Variants in SLC26A5 observed in about 807,000 individuals in gnomAD.
SLC26A5 encodes solute carrier family 26 member 5, also known as prestin.
Under a neutral mutation model 81.0 loss-of-function variants are expected in SLC26A5, and 51 were observed. The observed-to-expected ratio is 0.63, with a 90% CI of 0.50 to 0.80. The LOEUF (loss-of-function observed/expected upper bound fraction) is 0.80, where lower values mean the gene tolerates loss of function less well. Ranked by LOEUF, SLC26A5 falls within the 30% of genes least tolerant of loss-of-function variation. The pLI is 0.00. For missense variants in SLC26A5, 771 were observed against 905.8 expected (o/e 0.85, Z 1.91); for synonymous variants, 325 against 332.8 (o/e 0.98, Z 0.25).
chr7:103,438,240 A>G (rs9918713), intron 2 of SLC26A5, among the ~76,000 whole-genome samples: 59,115 of 152,078 alleles, frequency 0.39, 15,586 homozygotes, highest in African/African-American at 0.74. Flanking sequence ...TAAGCAGGTT[A>G]GTGGATATGT....
Position 103,393,081 on chromosome 7 carries a change from TG to T in SLC26A5, c.972-16del, listed in dbSNP as rs771768407. ...GAGGTAGCAGCCTGAAAAGTCAAGC[TG>T]CCTTTAACTTGTGTTGTGACCACAA... On this transcript the variant is annotated splice_polypyrimidine_tract_variant and intron_variant, in intron 9 of 19. Coordinates refer to ENST00000306312, the MANE Select transcript of SLC26A5 (RefSeq NM_198999.3). The T allele has an allele frequency of 1.2e-6, 2 of 1,613,694 alleles. No homozygotes were observed. The highest frequency in any genetic ancestry group is 1.7e-6 in the Non-Finnish European group (2 of 1,179,798).
At chr7:103,417,024 G>A in intron 4 of SLC26A5, among the ~76,000 whole-genome samples, 1 of 152,070 alleles carries the variant, frequency 6.6e-6, no homozygotes, top group East Asian at 1.9e-4. Flanking sequence ...ATGGTGGGAT[G>A]ATCTGTGCCT....
In SLC26A5 at chr7:103,435,460, C is replaced by T. The variant is rs575357707; in HGVS notation, c.-54+7623G>A. Among the ~76,000 whole-genome samples, 3 of 152,286 alleles carry T rather than the reference C, an allele frequency of 2.0e-5. No individual in the cohort carries two copies. The South Asian group carries it at 6.2e-4, about 32-fold the overall frequency. On this transcript the variant is annotated intron_variant, in intron 2 of 19. Coordinates refer to ENST00000306312, the MANE Select transcript of SLC26A5 (RefSeq NM_198999.3). ...GTATATAAGTGTCTCCAGGATAGGACTCTTCCCTGAACGAAATGAACATTA... is the reference window on the plus strand; with the variant it reads ...GTATATAAGTGTCTCCAGGATAGGATTCTTCCCTGAACGAAATGAACATTA...
At position 103,389,056 on chromosome 7, in the gene SLC26A5, A is replaced by C. The variant is rs371137072; in HGVS notation, c.1466T>G (p.Ile489Ser). ...SLFLGLDYGL[I>S]TAVIIALLTV... is the part of the protein sequence containing the mutation. Reference sequence around the variant, plus strand: ...CAGCAGAGCAATGATCACAGCAGTGATCAAACCATAGTCCAATCCCAGGAA... The same window carrying C: ...CAGCAGAGCAATGATCACAGCAGTGCTCAAACCATAGTCCAATCCCAGGAA... Residue 489 changes from isoleucine to serine, a missense_variant, in exon 14 of 20, where the codon ATC (isoleucine) becomes AGC (serine). Physicochemically the swap from Ile to Ser is moderately radical, Grantham distance 142 (BLOSUM62 -2). Transcript: ENST00000306312. The C allele has an allele frequency of 1.9e-6, 3 of 1,613,802 alleles. No individual in the cohort carries two copies. Among genetic ancestry groups the C allele is most frequent in the Non-Finnish European group, 2.5e-6 (3 of 1,179,916 alleles).
rs553493768 is a variant in SLC26A5 at position 103,377,230 on chromosome 7, C to T, written c.1987-368G>A. Among the ~76,000 whole-genome samples, 15 of 152,316 alleles carry T rather than the reference C, an allele frequency of 9.8e-5. 1 individual carries two copies. Among genetic ancestry groups the T allele is most frequent in the African/African-American group, 3.4e-4 (14 of 41,580 alleles). The stretch of plus-strand genomic sequence containing the variant: ...CCTGAGCTCAGCAATCCTCCTGCTT[C>T]AGCCTCCTGAGTAGCCTAGCATATT... On this transcript the variant is annotated intron_variant, in intron 18 of 19. Transcript: ENST00000306312.
intron 8 of SLC26A5, among the ~76,000 whole-genome samples, chr7:103,401,931 T>G (rs1823623912): frequency 1.3e-5 from 2 of 152,230 alleles, no homozygotes; most frequent in Non-Finnish European, 2.9e-5. Flanking sequence ...GGACAAGCTT[T>G]TTAATGTGCT....
At chr7:103,386,888 A>G (rs921379054) in intron 14 of SLC26A5, among the ~76,000 whole-genome samples, 1 of 151,604 alleles carries the variant, frequency 6.6e-6, no homozygotes, top group Non-Finnish European at 1.5e-5. Flanking sequence ...CACCCTCCTG[A>G]GTAGCTGGGA....
chr7:103,435,810 A>G (rs11971930), intron 2 of SLC26A5, among the ~76,000 whole-genome samples: 19 of 152,150 alleles, frequency 1.2e-4, no homozygotes, highest in Non-Finnish European at 2.6e-4. Flanking sequence ...TTTGCTTCCA[A>G]GCATTTTCAT....
intron 14 of SLC26A5, among the ~76,000 whole-genome samples, chr7:103,385,198 G>T (rs1259014147): frequency 6.6e-6 from 1 of 151,920 alleles, no homozygotes; most frequent in African/African-American, 2.4e-5. Flanking sequence ...GTCTCGCTCT[G>T]TCGCCTGGGC....
At chr7:103,426,906 T>C (rs1825744410) in intron 2 of SLC26A5, among the ~76,000 whole-genome samples, 1 of 152,106 alleles carries the variant, frequency 6.6e-6, no homozygotes, top group African/African-American at 2.4e-5. Context: ...AATCCTTACA[T>C]GAGAAAAGTC....
chr7:103,424,431 T>C (rs549459534), intron 2 of SLC26A5, among the ~76,000 whole-genome samples: 15 of 152,314 alleles, frequency 9.8e-5, no homozygotes, highest in Non-Finnish European at 1.6e-4. Flanking sequence ...GCTCAGTAAC[T>C]GGGAGGTGAA....
intron 19 of SLC26A5, among the ~76,000 whole-genome samples, chr7:103,357,306 G>A (rs1169620177): frequency 2.7e-5 from 4 of 146,126 alleles, no homozygotes; most frequent in South Asian, 4.3e-4. Flanking sequence ...AGCCTGGGGT[G>A]ACAGAGTGAT....
intron 10 of SLC26A5, among the ~76,000 whole-genome samples, chr7:103,392,589 T>A (rs189035240): frequency 5.9e-4 from 90 of 152,338 alleles, no homozygotes; most frequent in African/African-American, 2.1e-3. Context: ...TTATTTATTT[T>A]TTTTCTGAGG....
chr7:103,416,646 G>C (rs1824933842), intron 4 of SLC26A5, among the ~76,000 whole-genome samples: 1 of 152,074 alleles, frequency 6.6e-6, no homozygotes, highest in Non-Finnish European at 1.5e-5. Context: ...GTGTTTTGTA[G>C]TGTACGTACC....
At chr7:103,437,531 T>A (rs10259671) in intron 2 of SLC26A5, among the ~76,000 whole-genome samples, 1,624 of 152,346 alleles carry the variant, frequency 0.011, 22 homozygotes, top group African/African-American at 0.037. Flanking sequence ...GGAACCAATT[T>A]AAGTGTTCAT....
In SLC26A5 at chr7:103,420,739, T is replaced by C. The variant is rs1825284327; in HGVS notation, c.291A>G (p.Gln97=). 2 of 1,613,952 alleles carry C rather than the reference T, an allele frequency of 1.2e-6. No individual in the cohort carries two copies. The highest frequency in any genetic ancestry group is 1.3e-5 in the African/African-American group (1 of 74,922). Reference sequence around the variant, plus strand: ...GGAAAGAAAGAAAGATCTACTGACCTTGAGGAAGCTGAAGCACCCCTGTGC... The same window carrying C: ...GGAAAGAAAGAAAGATCTACTGACCCTGAGGAAGCTGAAGCACCCCTGTGC... ...GISTGVLQLP[Q]GLAFAMLAAV... Residue 97 remains glutamine, a splice_region_variant and synonymous_variant, in exon 4 of 20, where the codon CAA becomes CAG. Coordinates refer to ENST00000306312, the MANE Select transcript of SLC26A5 (RefSeq NM_198999.3).
intron 10 of SLC26A5, among the ~76,000 whole-genome samples, chr7:103,392,502 A>T (rs995764807): frequency 2.0e-5 from 3 of 152,254 alleles, no homozygotes; most frequent in Non-Finnish European, 4.4e-5. Context: ...TGCTTCAGAT[A>T]CATCAATCAC....
chr7:103,355,577 T>C, intron 19 of SLC26A5: 1 of 746,752 alleles, frequency 1.3e-6, no homozygotes, highest in Non-Finnish European at 2.3e-6. Flanking sequence ...ATAATGCACA[T>C]GATAGTCCTC....
intron 19 of SLC26A5, chr7:103,355,823 C>CT: frequency 6.7e-7 from 1 of 1,490,238 alleles, no homozygotes; most frequent in Non-Finnish European, 9.3e-7. Context: ...GGCAACTTAC[C>CT]TTTGTCTGTA....
Sources: gnomAD v4.1 joint callset for allele counts (sites outside exome capture counted in the v4.1 genomes callset) on GRCh38, gnomAD v4.1.1 for gene constraint, MANE v1.5 for transcripts, NCBI Gene and HGNC (gene_info 2026-07-23, HGNC 2026-07-21) for gene names.